Variants in TOGARAM2 observed in about 807,000 individuals in gnomAD.
TOGARAM2 encodes TOG array regulator of axonemal microtubules protein 2.
A neutral mutation model predicts 93.3 loss-of-function variants in TOGARAM2; 85 were observed. That is an observed-to-expected ratio of 0.91 (90% CI 0.76 to 1.09). TOGARAM2 has a LOEUF of 1.09. Among genes scored for constraint, TOGARAM2 ranks in the 50% least tolerant of loss-of-function variants. The pLI, the probability that TOGARAM2 is intolerant of heterozygous loss-of-function variation, is 0.00. For synonymous variants in TOGARAM2, 593 were observed against 552.8 expected, an observed-to-expected ratio of 1.07 and a Z score of -1.02; for missense variants, 1,277 against 1,334.5, an observed-to-expected ratio of 0.96 and a Z score of 0.67.
intron 1 of TOGARAM2, among the ~76,000 whole-genome samples, chr2:28,983,717 A>G (rs79051653): frequency 6.6e-6 from 1 of 152,230 alleles, no homozygotes; most frequent in East Asian, 1.9e-4. Flanking sequence ...TTTTAGCTTT[A>G]TCAGGTAAAG....
chr2:28,957,006 T>C (rs933007496), intron 1 of TOGARAM2, among the ~76,000 whole-genome samples: 6 of 151,734 alleles, frequency 4.0e-5, no homozygotes, highest in Non-Finnish European at 5.9e-5. Context: ...GCATCTGTAA[T>C]CCCAGGAGAA....
At chr2:29,008,110 T>G (rs1663998359) in intron 6 of TOGARAM2, among the ~76,000 whole-genome samples, 1 of 151,712 alleles carries the variant, frequency 6.6e-6, no homozygotes, top group Non-Finnish European at 1.5e-5. Context: ...TTAAATTTAT[T>G]TTGTTTATTT....
chr2:29,020,525 G>A (rs1326909983), intron 10 of TOGARAM2, among the ~76,000 whole-genome samples: 2 of 152,210 alleles, frequency 1.3e-5, no homozygotes, highest in African/African-American at 4.8e-5. Flanking sequence ...TGACTGGAAA[G>A]CTGTCAGAGG....
At chr2:29,023,382 T>C (rs1242345481) in intron 12 of TOGARAM2, among the ~76,000 whole-genome samples, 191 bp downstream of exon 12, 1 of 152,180 alleles carries the variant, frequency 6.6e-6, no homozygotes, top group Non-Finnish European at 1.5e-5. Flanking sequence ...AGGGTTTCCT[T>C]ATTTGTAATC....
At chr2:29,039,557 G>A (rs1208496282) in intron 18 of TOGARAM2, among the ~76,000 whole-genome samples, 1 of 152,142 alleles carries the variant, frequency 6.6e-6, no homozygotes, top group Non-Finnish European at 1.5e-5. Flanking sequence ...TAATCCCTTG[G>A]TTTCCCCAGG....
intron 1 of TOGARAM2, among the ~76,000 whole-genome samples, chr2:28,990,551 G>C (rs945286780): frequency 6.6e-6 from 1 of 152,122 alleles, no homozygotes; most frequent in Non-Finnish European, 1.5e-5. Flanking sequence ...CCGCCTCCTC[G>C]GCCTGGAATG....
chr2:28,995,655 G>A (rs988686230), intron 2 of TOGARAM2, among the ~76,000 whole-genome samples: 1 of 152,240 alleles, frequency 6.6e-6, no homozygotes, highest in Non-Finnish European at 1.5e-5. Flanking sequence ...TCTAGAAATA[G>A]GATAAAGATG....
At chr2:29,041,717 C>G (rs990758064) in intron 18 of TOGARAM2, among the ~76,000 whole-genome samples, 2 of 152,154 alleles carry the variant, frequency 1.3e-5, no homozygotes, top group Non-Finnish European at 2.9e-5. Context: ...GCTGTTTTCT[C>G]TCCAATTCAA....
intron 1 of TOGARAM2, among the ~76,000 whole-genome samples, chr2:28,993,157 A>C (rs1175658993): frequency 6.6e-6 from 1 of 152,090 alleles, no homozygotes; most frequent in Non-Finnish European, 1.5e-5. Context: ...GGGGCGTGGA[A>C]ATCTGTAATT....
intron 1 of TOGARAM2, among the ~76,000 whole-genome samples, chr2:28,969,971 C>G (rs1213182623): frequency 6.6e-6 from 1 of 152,044 alleles, no homozygotes; most frequent in East Asian, 1.9e-4. Context: ...CACCACCACG[C>G]CCGGCTAATT....
intron 6 of TOGARAM2, among the ~76,000 whole-genome samples, chr2:29,004,831 GTA>G (rs1191152589): frequency 1.3e-5 from 2 of 151,004 alleles, no homozygotes; most frequent in African/African-American, 4.9e-5. Context: ...GTGTGTGCAT[GTA>G]TGTGTATGAG....
At chr2:29,048,045 A>G (rs1666851227) in intron 19 of TOGARAM2, 2 of 152,394 alleles carry the variant, frequency 1.3e-5, no homozygotes, top group Admixed American at 1.3e-4. Context: ...TAATTTATAA[A>G]GAAAAAGAGG....
intron 1 of TOGARAM2, among the ~76,000 whole-genome samples, chr2:28,986,939 A>C (rs1482830326): frequency 6.6e-6 from 1 of 152,210 alleles, no homozygotes; most frequent in East Asian, 1.9e-4. Context: ...AGAGAACTTT[A>C]ATCATGTGCC....
intron 1 of TOGARAM2, among the ~76,000 whole-genome samples, chr2:28,958,838 C>G (rs1010083676): frequency 6.6e-6 from 1 of 152,188 alleles, no homozygotes; most frequent in Admixed American, 6.5e-5. Flanking sequence ...TTCTTTTTAT[C>G]CCAGCCTTCT....
intron 1 of TOGARAM2, among the ~76,000 whole-genome samples, chr2:28,982,403 C>A (rs1672238334): frequency 2.0e-5 from 3 of 152,234 alleles, no homozygotes; most frequent in Middle Eastern, 6.8e-3. Context: ...CTGAGGCAGG[C>A]CACAGGGCAT....
intron 1 of TOGARAM2, among the ~76,000 whole-genome samples, chr2:28,967,430 G>T (rs375668461): frequency 6.6e-6 from 1 of 152,164 alleles, no homozygotes; most frequent in East Asian, 1.9e-4. Context: ...AGCTGTGATC[G>T]CACCACTGCA....
At chr2:29,043,763 G>C (rs1488059514) in intron 18 of TOGARAM2, among the ~76,000 whole-genome samples, 2 of 152,240 alleles carry the variant, frequency 1.3e-5, no homozygotes, top group Non-Finnish European at 2.9e-5. Flanking sequence ...AGGTTCTGAT[G>C]ATGGTGTGTA....
At chr2:28,980,272 C>T (rs1296357236), upstream of TOGARAM2, among the ~76,000 whole-genome samples, 1 of 152,186 alleles carries the variant, frequency 6.6e-6, no homozygotes, top group East Asian at 1.9e-4. Flanking sequence ...GCAGCTACTC[C>T]CAAGGCCTGC....
intron 1 of TOGARAM2, among the ~76,000 whole-genome samples, chr2:28,990,150 C>T (rs916981488): frequency 2.6e-5 from 4 of 152,108 alleles, no homozygotes; most frequent in African/African-American, 9.7e-5. Context: ...CACAGGGAGA[C>T]AGCACGAGAT....
Sources: gnomAD v4.1 joint callset for allele counts (sites outside exome capture counted in the v4.1 genomes callset) on GRCh38, gnomAD v4.1.1 for gene constraint, MANE v1.5 for transcripts, NCBI Gene and HGNC (gene_info 2026-07-23, HGNC 2026-07-21) for gene names.